Variants in PDP1 observed in about 807,000 individuals in gnomAD.
PDP1 encodes pyruvate dehydrogenase phosphatase catalytic subunit 1, also known as pyruvate dehyrogenase phosphatase catalytic subunit 1.
In PDP1, 14 loss-of-function variants were observed where a neutral mutation model predicts 37.1. That is an observed-to-expected ratio of 0.38 (90% CI 0.25 to 0.59). The LOEUF (loss-of-function observed/expected upper bound fraction) is 0.59. PDP1 is among the 20% of genes least tolerant of loss of function. The pLI is 0.67. For synonymous variants in PDP1, 251 were observed against 243.3 expected, an observed-to-expected ratio of 1.03 and a Z score of -0.29; for missense variants, 544 against 655.3, an observed-to-expected ratio of 0.83 and a Z score of 1.85.
At chr8:93,920,523 A>G (rs949085717) in intron 1 of PDP1, 1 of 943,632 alleles carries the variant, frequency 1.1e-6, no homozygotes, top group Non-Finnish European at 1.3e-6. Flanking sequence ...GAGGAAGAAG[A>G]GGGATTTTTT....
chr8:93,924,829 C>A lies in PDP1; in HGVS notation c.*1156C>A, dbSNP rs1008031237. 1 of 167,070 alleles carries A rather than the reference C, an allele frequency of 6.0e-6. No individual in the cohort carries two copies. The highest frequency in any genetic ancestry group is 1.9e-4 in the East Asian group (1 of 5,208). 10.3% of individuals were successfully genotyped at this position (167,070 alleles called of 1,614,324 possible). ...CATGAGAAACTTTAAAAGGTAACTA[C>A]TGTGCATGCCTGATGCTTAATAGAA... On this transcript the variant is annotated 3_prime_UTR_variant, in exon 2 of 2. Coordinates refer to ENST00000297598, the MANE Select transcript of PDP1 (RefSeq NM_018444.4).
chr8:93,920,712 C>T, intron 1 of PDP1: 1 of 898,440 alleles, frequency 1.1e-6, no homozygotes, highest in Non-Finnish European at 1.3e-6. Context: ...TTCCCTGGAG[C>T]AAGTAAATAC....
intron 1 of PDP1, chr8:93,920,755 AT>A (rs1810243896): frequency 3.5e-6 from 3 of 867,642 alleles, no homozygotes; most frequent in East Asian, 1.2e-4. Flanking sequence ...GAGAGAAAAC[AT>A]TTTTGGTCTT....
At position 93,922,081 on chromosome 8, in the gene PDP1, T is replaced by C. The variant is rs753700131; in HGVS notation, c.22T>C (p.Phe8Leu). The C allele has an allele frequency of 5.0e-6, 8 of 1,612,586 alleles. No homozygotes were observed. In the South Asian group the frequency reaches 8.8e-5, roughly 18 times the overall value. MPAPTQL[F>L]FPLIRNCELS... ...TGCCATGCCAGCACCAACTCAACTG[T>C]TTTTTCCTCTCATCCGTAACTGTGA... Residue 8 changes from phenylalanine (F) to leucine (L), a missense_variant, in exon 2 of 2, where the codon TTT becomes CTT. Around this residue, in one of 5 missense-constraint regions of PDP1, gnomAD observed 342 missense variants for 414.0 expected, o/e 0.83. Coordinates refer to ENST00000297598, the MANE Select transcript of PDP1 (RefSeq NM_018444.4). The surrounding 1 kb of genome is among the most constrained non-coding windows in gnomAD (Gnocchi z 4.0).
chr8:93,922,843 T>A lies in PDP1; in HGVS notation c.784T>A (p.Tyr262Asn). ...TGGTGATCCTAATTCTTTTCTCAAC[T>A]ACCTGGTGCTTCGAGTGGCATTTTC... ...QVGDPNSFLN[Y>N]LVLRVAFSGA... The change falls in exon 2 of 2, where the codon TAC (tyrosine) becomes AAC (asparagine). Residue 262 changes from tyrosine (Y) to asparagine (N), a missense_variant. This residue lies in a region of PDP1 where 342 missense variants were observed against 414.0 expected (regional missense o/e 0.83). Transcript: ENST00000297598. This position sits in a 1 kb window ranked among gnomAD's most constrained non-coding sequence, Gnocchi z 4.0. The A allele has an allele frequency of 6.2e-7, 1 of 1,614,214 alleles. No individual in the cohort carries two copies. The highest frequency in any genetic ancestry group is 1.1e-5 in the South Asian group (1 of 91,086).
chr8:93,921,842 C>T, intron 1 of PDP1, 174 bp from the exon 2 acceptor site: 1 of 528,930 alleles, frequency 1.9e-6, no homozygotes, highest in East Asian at 3.0e-5. Flanking sequence ...TTGTGCCTGC[C>T]AGAATATACC....
At position 93,922,926 on chromosome 8, in the gene PDP1, T is replaced by C. The variant is rs1810328088; in HGVS notation, c.867T>C (p.Thr289=). ...GTGTTGACCTTCATGTGGCCAATACTGGCGATAGCAGAGCCATGCTGGGTG... is the reference window on the plus strand; with the variant it reads ...GTGTTGACCTTCATGTGGCCAATACCGGCGATAGCAGAGCCATGCTGGGTG... The part of the protein sequence containing the change: ...VDGVDLHVAN[T]GDSRAMLGVQ... The change falls in exon 2 of 2, where the codon ACT becomes ACC. Residue 289 remains threonine (T), a synonymous_variant. Transcript: ENST00000297598. This position sits in a 1 kb window ranked among gnomAD's most constrained non-coding sequence, Gnocchi z 4.0. The C allele has an allele frequency of 1.2e-6, 2 of 1,614,188 alleles. No individual in the cohort carries two copies. The highest frequency in any genetic ancestry group is 1.7e-6 in the Non-Finnish European group (2 of 1,180,016).
chr8:93,921,383 GA>G, intron 1 of PDP1: 1 of 965,146 alleles, frequency 1.0e-6, no homozygotes, highest in Non-Finnish European at 1.2e-6. Context: ...AGAAATACTG[GA>G]ATTTCTTTTT....
chr8:93,919,348 T>A (rs1810186780), intron 1 of PDP1, among the ~76,000 whole-genome samples: 3 of 152,102 alleles, frequency 2.0e-5, no homozygotes, highest in Admixed American at 2.0e-4. Context: ...ACCAACATGG[T>A]GAAACCCCAT....
Position 93,924,728 on chromosome 8 carries a change from A to G in PDP1, c.*1055A>G, listed in dbSNP as rs1810387623. 6.0e-6 allele frequency: 1 copy of G among 167,134 alleles called. No individual in the cohort carries two copies. The highest frequency in any genetic ancestry group is 2.4e-5 in the African/African-American group (1 of 41,478). 10.4% of individuals were successfully genotyped at this position (167,134 alleles called of 1,614,324 possible). ...TTTTTCTCCATTTAGACATAGGTCA[A>G]TTAAAATATTTGGGTTTAAAATGAC... On this transcript the variant is annotated 3_prime_UTR_variant, in exon 2 of 2. Coordinates refer to ENST00000297598, the MANE Select transcript of PDP1 (RefSeq NM_018444.4).
chr8:93,920,038 T>A (rs1810219377), intron 1 of PDP1: 1 of 152,246 alleles, frequency 6.6e-6, no homozygotes, highest in Non-Finnish European at 1.5e-5. Flanking sequence ...AATGCTTTTT[T>A]AGTTACGGAT....
At chr8:93,917,693 T>G in intron 1 of PDP1, 1 of 964,934 alleles carries the variant, frequency 1.0e-6, no homozygotes. Flanking sequence ...GGCTTCCTTG[T>G]TCTCTCCACC....
Position 93,922,884 on chromosome 8 carries a change from T to C in PDP1, c.825T>C (p.Cys275=). The change falls in exon 2 of 2, where the codon TGT becomes TGC. Residue 275 remains cysteine (C), a synonymous_variant. Transcript: ENST00000297598. This position sits in a 1 kb window ranked among gnomAD's most constrained non-coding sequence, Gnocchi z 4.0. Reference sequence around the variant, plus strand: ...TGGCATTTTCTGGAGCCACTGCTTGTGTGGCCCATGTGGATGGTGTTGACC... The same window carrying C: ...TGGCATTTTCTGGAGCCACTGCTTGCGTGGCCCATGTGGATGGTGTTGACC... The part of the protein sequence containing the change: ...LRVAFSGATA[C]VAHVDGVDLH... The C allele has an allele frequency of 6.2e-7, 1 of 1,614,256 alleles. No homozygotes were observed. Among genetic ancestry groups the C allele is most frequent in the Non-Finnish European group, 8.5e-7 (1 of 1,180,032 alleles).
At chr8:93,920,744 T>C in intron 1 of PDP1, 1 of 873,796 alleles carries the variant, frequency 1.1e-6, no homozygotes, top group Non-Finnish European at 1.4e-6. Flanking sequence ...TTTTTTAATG[T>C]GAGAGAAAAC....
intron 1 of PDP1, chr8:93,921,071 CTTTTTTT>C (rs34446897): frequency 9.4e-6 from 8 of 853,508 alleles, no homozygotes; most frequent in Non-Finnish European, 1.1e-5. Flanking sequence ...AATACTTAAA[CTTTTTTT>C]TTTTTTTTAA....
In PDP1 at chr8:93,923,542, G is replaced by A. The variant is rs1402398202; in HGVS notation, c.1483G>A (p.Val495Ile). ...TGTGGGCAACAACGAGTTTGGGACTGTTGATCATGAGCGCCTCTCTAAAAT... is the reference window on the plus strand; with the variant it reads ...TGTGGGCAACAACGAGTTTGGGACTATTGATCATGAGCGCCTCTCTAAAAT... ...HAVGNNEFGT[V>I]DHERLSKMLS... is the part of the protein sequence containing the mutation. Residue 495 changes from valine to isoleucine, a missense_variant, in exon 2 of 2, where the codon GTT (valine) becomes ATT (isoleucine). This residue lies in a region of PDP1 where 159 missense variants were observed against 165.5 expected (regional missense o/e 0.96). Coordinates refer to ENST00000297598, the MANE Select transcript of PDP1 (RefSeq NM_018444.4). The surrounding 1 kb of genome is among the most constrained non-coding windows in gnomAD (Gnocchi z 4.3). 1 of 1,611,640 alleles carries A rather than the reference G, an allele frequency of 6.2e-7. No homozygotes were observed. The highest frequency in any genetic ancestry group is 1.1e-5 in the South Asian group (1 of 91,064).
intron 1 of PDP1, among the ~76,000 whole-genome samples, chr8:93,917,411 C>T (rs1810103089): frequency 1.3e-5 from 2 of 151,990 alleles, no homozygotes; most frequent in Non-Finnish European, 2.9e-5. Context: ...GCGGCACTGC[C>T]TGAGGGTCTC....
chr8:93,923,747 T>A lies in PDP1; in HGVS notation c.*74T>A. The A allele has an allele frequency of 1.7e-6, 2 of 1,166,552 alleles. No homozygotes were observed. Among genetic ancestry groups the A allele is most frequent in the Admixed American group, 1.7e-5 (1 of 59,310 alleles). 72.3% of individuals were successfully genotyped at this position (1,166,552 alleles called of 1,614,324 possible). ...CAGATTTTTTAAAAAGATACTACTATAATAAACATTTCCAGTTGGTCATTC... is the reference window on the plus strand; with the variant it reads ...CAGATTTTTTAAAAAGATACTACTAAAATAAACATTTCCAGTTGGTCATTC... On this transcript the variant is annotated 3_prime_UTR_variant, in exon 2 of 2. Transcript: ENST00000297598. The surrounding 1 kb of genome is among the most constrained non-coding windows in gnomAD (Gnocchi z 4.3).
chr8:93,922,434 C>T lies in PDP1; in HGVS notation c.375C>T (p.Asp125=). The T allele has an allele frequency of 6.2e-7, 1 of 1,614,086 alleles. No homozygotes were observed. The highest frequency in any genetic ancestry group is 8.5e-7 in the Non-Finnish European group (1 of 1,179,938). ...TGCCTGCAAATGCACCCATTGAGGA[C>T]CGGAGAAGTGCAGCAACCTGCTTGC... is the stretch of plus-strand genomic sequence containing the variant. The part of the protein sequence containing the change: ...NQLPANAPIE[D]RRSAATCLQT... Residue 125 remains aspartate, a synonymous_variant, in exon 2 of 2, where the codon GAC becomes GAT. Coordinates refer to ENST00000297598, the MANE Select transcript of PDP1 (RefSeq NM_018444.4). The surrounding 1 kb of genome is among the most constrained non-coding windows in gnomAD (Gnocchi z 4.0).
Sources: gnomAD v4.1 joint callset for allele counts (sites outside exome capture counted in the v4.1 genomes callset) on GRCh38, gnomAD v4.1.1 for gene constraint, gnomAD v4.1.1 regional missense constraint, Gnocchi (gnomAD v3.1) non-coding constraint, MANE v1.5 for transcripts, NCBI Gene and HGNC (gene_info 2026-07-23, HGNC 2026-07-21) for gene names.